The following ITGB8 variants were observed in gnomAD, a reference collection of about 807,000 sequenced individuals.
ITGB8 encodes integrin subunit beta 8.
Under a neutral mutation model 89.5 loss-of-function variants are expected in ITGB8, and 30 were observed. The ratio of observed to expected loss-of-function variants is 0.34; its 90% CI spans 0.25 to 0.45. ITGB8 has a LOEUF of 0.45. Among genes scored for constraint, ITGB8 ranks in the 20% least tolerant of loss-of-function variants. The pLI is 1.00. For synonymous variants in ITGB8, 335 were observed against 320.4 expected, an observed-to-expected ratio of 1.05 and a Z score of -0.49; for missense variants, 836 against 933.3, an observed-to-expected ratio of 0.90 and a Z score of 1.36.
intron 1 of ITGB8, among the ~76,000 whole-genome samples, chr7:20,343,780 G>C (rs954216639): frequency 3.9e-5 from 6 of 152,134 alleles, no homozygotes; most frequent in Admixed American, 6.5e-5. Flanking sequence ...ATAGTTATAG[G>C]AGAATCCTGG....
chr7:20,373,567 G>A (rs926609012), intron 3 of ITGB8, among the ~76,000 whole-genome samples: 8 of 152,108 alleles, frequency 5.3e-5, no homozygotes, highest in African/African-American at 1.9e-4. Context: ...TGCTTCACCT[G>A]TTTCTTAATT....
chr7:20,339,205 A>C (rs1280422668), intron 1 of ITGB8, among the ~76,000 whole-genome samples: 1 of 152,102 alleles, frequency 6.6e-6, no homozygotes, highest in African/African-American at 2.4e-5. Context: ...AAAAAAAAAA[A>C]AAACAACTTA....
At chr7:20,347,916 C>T (rs945431651) in intron 1 of ITGB8, among the ~76,000 whole-genome samples, 2 of 152,160 alleles carry the variant, frequency 1.3e-5, no homozygotes, top group Admixed American at 1.3e-4. Flanking sequence ...AGTGCCCACT[C>T]AGTGTTGAAA....
intron 1 of ITGB8, among the ~76,000 whole-genome samples, chr7:20,347,587 A>C (rs1784970997): frequency 6.6e-6 from 1 of 152,226 alleles, no homozygotes; most frequent in Admixed American, 6.5e-5. Context: ...CAAAGATTTA[A>C]ATCAGAATAG....
Position 20,379,092 on chromosome 7 carries a change from A to G in ITGB8, c.430A>G (p.Lys144Glu). ...TATGCTGAAAGTTCATCCTCTGAAGAAATATCCTGTGGATCTTTATTATCT... is the reference window on the plus strand; with the variant it reads ...TATGCTGAAAGTTCATCCTCTGAAGGAATATCCTGTGGATCTTTATTATCT... ...NFMLKVHPLK[K>E]YPVDLYYLVD... The change falls in exon 4 of 14, where the codon AAA (lysine) becomes GAA (glutamate). Residue 144 changes from lysine to glutamate, a missense_variant. Coordinates refer to ENST00000222573, the MANE Select transcript of ITGB8 (RefSeq NM_002214.3). 1 of 1,601,936 alleles carries G rather than the reference A, an allele frequency of 6.2e-7. No individual in the cohort carries two copies. The highest frequency in any genetic ancestry group is 8.5e-7 in the Non-Finnish European group (1 of 1,173,438).
rs781000736 is a variant in ITGB8 at position 20,410,045 on chromosome 7, G to C, written c.*48G>C. 1 of 1,560,120 alleles carries C rather than the reference G, an allele frequency of 6.4e-7. No homozygotes were observed. The highest frequency in any genetic ancestry group is 1.2e-5 in the South Asian group (1 of 85,380). On this transcript the variant is annotated 3_prime_UTR_variant, in exon 14 of 14. Transcript: ENST00000222573. ...TGGGAAACTGGAATTGTTAATAATT[G>C]CTCCTAAAGATTATAATTTTAAAAG...
chr7:20,390,788 C>T (rs901569255), intron 6 of ITGB8, among the ~76,000 whole-genome samples: 10 of 152,084 alleles, frequency 6.6e-5, no homozygotes, highest in South Asian at 6.2e-4. Flanking sequence ...GTATCATTCA[C>T]ATATTACAGA....
intron 1 of ITGB8, among the ~76,000 whole-genome samples, chr7:20,338,990 G>A (rs1274401768): frequency 6.6e-6 from 1 of 151,986 alleles, no homozygotes; most frequent in Non-Finnish European, 1.5e-5. Context: ...TCAGGAGTTC[G>A]AGACCAGCCT....
chr7:20,404,751 G>C lies in ITGB8; in HGVS notation c.1811G>C (p.Arg604Thr), dbSNP rs754205396. ...TCAAAGGGCCAAGTGTGCAGTGGAA[G>C]AGGCACGTGTGTGTGTGGAAGGTGT... The part of the protein sequence containing the change: ...VNSKGQVCSG[R>T]GTCVCGRCEC... Residue 604 changes from arginine to threonine, a missense_variant, in exon 11 of 14, where the codon AGA (arginine) becomes ACA (threonine). Physicochemically the swap from Arg to Thr is moderately conservative, Grantham distance 71. Transcript: ENST00000222573. 1.2e-6 allele frequency: 2 copies of C among 1,614,228 alleles called. No individual in the cohort carries two copies. Among genetic ancestry groups the C allele is most frequent in the Non-Finnish European group, 1.7e-6 (2 of 1,180,040 alleles).
intron 12 of ITGB8, 97 bp from the exon 13 acceptor site, chr7:20,409,517 TG>T: frequency 1.4e-6 from 1 of 731,644 alleles, no homozygotes; most frequent in Non-Finnish European, 2.1e-6. Flanking sequence ...CAAATATCTT[TG>T]GCACTATTAA....
intron 1 of ITGB8, among the ~76,000 whole-genome samples, chr7:20,332,653 A>G (rs1364621823): frequency 2.0e-5 from 3 of 152,218 alleles, no homozygotes; most frequent in Non-Finnish European, 4.4e-5. Context: ...TACGAAATGC[A>G]TTGTCCTCAT....
chr7:20,341,731 T>A (rs1392161733), intron 1 of ITGB8, among the ~76,000 whole-genome samples: 1 of 152,094 alleles, frequency 6.6e-6, no homozygotes, highest in Non-Finnish European at 1.5e-5. Flanking sequence ...AGTTGGCTAC[T>A]TGGGGGTCAG....
intron 6 of ITGB8, among the ~76,000 whole-genome samples, chr7:20,382,920 C>T (rs1027759909): frequency 1.3e-5 from 2 of 152,252 alleles, no homozygotes; most frequent in Admixed American, 6.5e-5. Flanking sequence ...AAGAATAGAA[C>T]GAAATGTAAT....
chr7:20,374,625 C>T (rs1786061638), intron 3 of ITGB8, among the ~76,000 whole-genome samples: 1 of 152,104 alleles, frequency 6.6e-6, no homozygotes, highest in African/African-American at 2.4e-5. Context: ...GAGCAGATTA[C>T]TGAGTGGTGT....
In ITGB8 at chr7:20,412,640, T is replaced by G. The variant is rs373227332; in HGVS notation, c.*2643T>G. On this transcript the variant is annotated 3_prime_UTR_variant, in exon 14 of 14. Coordinates refer to ENST00000222573, the MANE Select transcript of ITGB8 (RefSeq NM_002214.3). ...AACTTCCTTGTAGGCAACTCAGTGT[T>G]AGACGATGATTGTGGTTATGCTTGC... 5.2e-5 allele frequency: 8 copies of G among 152,644 alleles called. No individual in the cohort carries two copies. Among genetic ancestry groups the G allele is most frequent in the African/African-American group, 1.9e-4 (8 of 41,468 alleles). 9.5% of individuals were successfully genotyped at this position (152,644 alleles called of 1,614,324 possible). A position where few individuals can be genotyped will look rare whatever the true frequency, so the allele number is the denominator to read the frequency against.
At chr7:20,336,353 T>A (rs1430567006) in intron 1 of ITGB8, among the ~76,000 whole-genome samples, 1 of 152,164 alleles carries the variant, frequency 6.6e-6, no homozygotes, top group Admixed American at 6.5e-5. Context: ...TCCAGAATAT[T>A]TATCTCTAAA....
rs141046997 is a variant in ITGB8 at position 20,363,707 on chromosome 7, A to G, written c.198A>G (p.Gly66=). 1 of 1,597,218 alleles carries G rather than the reference A, an allele frequency of 6.3e-7. No individual in the cohort carries two copies. The highest frequency in any genetic ancestry group is 8.5e-7 in the Non-Finnish European group (1 of 1,174,664). Residue 66 remains glycine (G), a synonymous_variant, in exon 2 of 14, where the codon GGA becomes GGG. Transcript: ENST00000222573. ...GCCTTGCGCTGGGTCCAGAATGTGGATGGTGTGTTCAAGAGGTGTGCCATT... is the reference window on the plus strand; with the variant it reads ...GCCTTGCGCTGGGTCCAGAATGTGGGTGGTGTGTTCAAGAGGTGTGCCATT... The part of the protein sequence containing the change: ...ARCLALGPEC[G]WCVQEDFISG...
intron 1 of ITGB8, among the ~76,000 whole-genome samples, chr7:20,352,002 G>T (rs926955259): frequency 6.6e-6 from 1 of 152,170 alleles, no homozygotes; most frequent in East Asian, 1.9e-4. Flanking sequence ...GGAACAGACT[G>T]GGAAACCAGT....
At chr7:20,346,114 A>G (rs886587566) in intron 1 of ITGB8, among the ~76,000 whole-genome samples, 12 of 152,100 alleles carry the variant, frequency 7.9e-5, no homozygotes, top group Non-Finnish European at 1.8e-4. Context: ...TGAGAGAGGG[A>G]GAAGTGCCTG....
Sources: allele counts gnomAD v4.1 joint callset (sites outside exome capture counted in the v4.1 genomes callset), GRCh38; gene constraint gnomAD v4.1.1; transcripts MANE v1.5; gene names NCBI Gene and HGNC (gene_info 2026-07-23, HGNC 2026-07-21).